The following DNAJC11 variants were observed in gnomAD, a reference collection of about 807,000 sequenced individuals.
The protein encoded by DNAJC11 is DnaJ heat shock protein family (Hsp40) member C11, also known as dnaJ homolog subfamily C member 11.
In DNAJC11, 15 loss-of-function variants were observed where a neutral mutation model predicts 78.6. The ratio of observed to expected loss-of-function variants is 0.19; its 90% CI spans 0.13 to 0.29. DNAJC11 has a LOEUF of 0.29. Among genes scored for constraint, DNAJC11 ranks in the 10% least tolerant of loss-of-function variants. The pLI is 1.00. For synonymous variants in DNAJC11, 292 were observed against 272.1 expected (o/e 1.07, Z -0.72); for missense variants, 547 against 709.6 (o/e 0.77, Z 2.60).
intron 1 of DNAJC11, 40 bp downstream of exon 1, chr1:6,701,689 C>T (rs574977779): frequency 6.7e-7 from 1 of 1,501,554 alleles, no homozygotes; most frequent in Non-Finnish European, 8.9e-7. Flanking sequence ...AACGACCGGG[C>T]TCGGCCTCAG....
chr1:6,643,413 C>T (rs1022699679), intron 10 of DNAJC11, among the ~76,000 whole-genome samples: 17 of 151,812 alleles, frequency 1.1e-4, no homozygotes, highest in Admixed American at 9.2e-4. Context: ...GTAGCAGAGA[C>T]TACAGGCGCC....
Position 6,637,914 on chromosome 1 carries a change from C to T in DNAJC11, c.1323+381G>A, listed in dbSNP as rs1641808421. 1.0e-5 allele frequency: 4 copies of T among 400,874 alleles called. No individual in the cohort carries two copies. The South Asian group carries it at 1.2e-4, about 12-fold the overall frequency. The allele number at this position is 400,874 out of a possible 1,614,324, so 24.8% of individuals were successfully genotyped here. A position where few individuals can be genotyped will look rare whatever the true frequency, so the allele number is the denominator to read the frequency against. On this transcript the variant is annotated intron_variant, in intron 12 of 15. Coordinates refer to ENST00000377577, the MANE Select transcript of DNAJC11 (RefSeq NM_018198.4). ...ACCTGTGTTCTCCTGTGGTGCCATT[C>T]TGCTGGGCATAGCTGTGCCGCCCCC... is the stretch of plus-strand genomic sequence containing the variant.
intron 3 of DNAJC11, among the ~76,000 whole-genome samples, chr1:6,671,897 C>T (rs888848348): frequency 3.9e-5 from 6 of 152,054 alleles, no homozygotes; most frequent in Non-Finnish European, 7.3e-5. Flanking sequence ...TGCAGCGATG[C>T]GATCTCAGCT....
chr1:6,687,641 G>A lies in DNAJC11; in HGVS notation c.73-6604C>T, dbSNP rs539642585. ...CAAAGTGCTAGGATTACACGCGTGA[G>A]CCACTGTGCCCGGCCACAGTTCCTC... On this transcript the variant is annotated intron_variant, in intron 1 of 15. Coordinates refer to ENST00000377577, the MANE Select transcript of DNAJC11 (RefSeq NM_018198.4). Among the ~76,000 whole-genome samples, 4 of 152,282 alleles carry A rather than the reference G, an allele frequency of 2.6e-5. No individual in the cohort carries two copies. The East Asian group carries it at 7.7e-4, about 29-fold the overall frequency.
At chr1:6,667,312 G>C (rs12411224) in intron 4 of DNAJC11, among the ~76,000 whole-genome samples, 1 of 152,150 alleles carries the variant, frequency 6.6e-6, no homozygotes, top group Non-Finnish European at 1.5e-5. Flanking sequence ...TCAATGCTTA[G>C]GTGGTTAGGT....
chr1:6,638,826 T>C (rs1641828057), intron 11 of DNAJC11, among the ~76,000 whole-genome samples: 1 of 152,214 alleles, frequency 6.6e-6, no homozygotes, highest in Admixed American at 6.5e-5. Context: ...TAAATAACAC[T>C]TTTGGTAGGA....
In DNAJC11 at chr1:6,634,787, G is replaced by C. The variant is rs1641726791; in HGVS notation, c.*888C>G. 7.6e-7 allele frequency: 1 copy of C among 1,312,834 alleles called. No individual in the cohort carries two copies. Among genetic ancestry groups the C allele is most frequent in the Admixed American group, 2.2e-5 (1 of 45,278 alleles). 81.3% of individuals were successfully genotyped at this position (1,312,834 alleles called of 1,614,324 possible). On this transcript the variant is annotated 3_prime_UTR_variant, in exon 16 of 16. Coordinates refer to ENST00000377577, the MANE Select transcript of DNAJC11 (RefSeq NM_018198.4). ...GGAGCGGGGAGCTGCAGTGCCACCT[G>C]CTGGGTACCACGGGCCGGGCCTGGG...
At chr1:6,652,732 GC>G in intron 6 of DNAJC11, 96 bp downstream of exon 6, 2 of 1,536,376 alleles carry the variant, frequency 1.3e-6, no homozygotes, top group Admixed American at 1.9e-5. Context: ...CAACAACGGG[GC>G]CCCCAGGGTG....
At chr1:6,687,354 C>CTTTT (rs70981400) in intron 1 of DNAJC11, among the ~76,000 whole-genome samples, 8 of 119,040 alleles carry the variant, frequency 6.7e-5, no homozygotes, top group East Asian at 2.3e-4. Flanking sequence ...AATACAGTCC[C>CTTTT]TTTTTTTTTT....
Position 6,640,063 on chromosome 1 carries a change from G to GAAA in DNAJC11, c.1098-9_1098-7dup, listed in dbSNP as rs753794029. 26 of 753,590 alleles carry GAAA rather than the reference G, an allele frequency of 3.5e-5. No homozygotes were observed. The highest frequency in any genetic ancestry group is 3.0e-4 in the South Asian group (8 of 26,914). 46.7% of individuals were successfully genotyped at this position (753,590 alleles called of 1,614,324 possible). ...TCTGACTGGCCCTGTTGAGCCTGGGGAAAAATACAAAAAAAAAAAAAAAAA... is the reference window on the plus strand; with the variant it reads ...TCTGACTGGCCCTGTTGAGCCTGGGGAAAAAAAATACAAAAAAAAAAAAAAAAA... On this transcript the variant is annotated splice_polypyrimidine_tract_variant and splice_region_variant and intron_variant, in intron 10 of 15. Coordinates refer to ENST00000377577, the MANE Select transcript of DNAJC11 (RefSeq NM_018198.4).
At chr1:6,663,723 G>T (rs577210044) in intron 4 of DNAJC11, among the ~76,000 whole-genome samples, 1 of 152,242 alleles carries the variant, frequency 6.6e-6, no homozygotes, top group South Asian at 2.1e-4. Flanking sequence ...AAGACACTGG[G>T]ACCCCAGCAA....
intron 1 of DNAJC11, among the ~76,000 whole-genome samples, chr1:6,700,495 G>A (rs1466319237): frequency 6.6e-6 from 1 of 152,200 alleles, no homozygotes; most frequent in Non-Finnish European, 1.5e-5. Context: ...GAGCTCACAA[G>A]CTGGGCTCCA....
intron 1 of DNAJC11, among the ~76,000 whole-genome samples, chr1:6,687,389 C>A (rs156991): frequency 0.51 from 72,014 of 141,382 alleles, 18,488 homozygotes; most frequent in Admixed American, 0.62. Context: ...CAGAGTCTCG[C>A]TCTGTCGCCC....
Position 6,636,211 on chromosome 1 carries a change from C to T in DNAJC11, c.1560G>A (p.Gly520=). ...GLPGFYDPCV[G]EEKNLKVLYQ... ...AGAGCACTTTCAGGTTCTTCTCTTC[C>T]CCCACACACGGGTCATAAAAGCCAG... The change falls in exon 15 of 16, where the codon GGG becomes GGA. Residue 520 remains glycine (G), a synonymous_variant. Transcript: ENST00000377577. 6.2e-7 allele frequency: 1 copy of T among 1,614,134 alleles called. No individual in the cohort carries two copies. The highest frequency in any genetic ancestry group is 1.1e-5 in the South Asian group (1 of 91,078).
intron 3 of DNAJC11, among the ~76,000 whole-genome samples, chr1:6,677,217 T>C (rs1642479227): frequency 6.8e-6 from 1 of 146,036 alleles, no homozygotes; most frequent in Non-Finnish European, 1.5e-5. Context: ...TACATGATGG[T>C]GAAAATATAA....
intron 1 of DNAJC11, among the ~76,000 whole-genome samples, chr1:6,696,456 G>A (rs978451508): frequency 6.6e-6 from 1 of 152,144 alleles, no homozygotes; most frequent in South Asian, 2.1e-4. Flanking sequence ...TTGACCCTAG[G>A]ACAATCTTGC....
intron 4 of DNAJC11, among the ~76,000 whole-genome samples, chr1:6,656,671 G>C (rs1457976349): frequency 6.6e-6 from 1 of 150,394 alleles, no homozygotes; most frequent in Non-Finnish European, 1.5e-5. Flanking sequence ...TTGAGCCCAG[G>C]AGTTCGAGAC....
intron 7 of DNAJC11, among the ~76,000 whole-genome samples, chr1:6,650,138 T>C (rs372580349): frequency 1.1e-4 from 17 of 150,250 alleles, no homozygotes; most frequent in African/African-American, 4.2e-4. Flanking sequence ...TAGTCAGGCA[T>C]GGTGGTGCAC....
chr1:6,657,345 C>T (rs76283440), intron 4 of DNAJC11, among the ~76,000 whole-genome samples: 1,956 of 152,242 alleles, frequency 0.013, 25 homozygotes, highest in South Asian at 0.028. Flanking sequence ...AGAGAGACAG[C>T]GATGCCAGCC....
Sources: gnomAD v4.1 joint callset for allele counts (sites outside exome capture counted in the v4.1 genomes callset) on GRCh38, gnomAD v4.1.1 for gene constraint, MANE v1.5 for transcripts, NCBI Gene and HGNC (gene_info 2026-07-23, HGNC 2026-07-21) for gene names.